GRIA1: variants seen among roughly 807,000 people sequenced by gnomAD.
GRIA1 encodes the protein glutamate ionotropic receptor AMPA type subunit 1, also known as glutamate receptor 1.
A neutral mutation model predicts 99.2 loss-of-function variants in GRIA1; 31 were observed. That is an observed-to-expected ratio of 0.31 (90% CI 0.23 to 0.42). The LOEUF is 0.42. Ranked by LOEUF, GRIA1 falls within the 10% of genes least tolerant of loss-of-function variation. The pLI, the probability that GRIA1 is intolerant of heterozygous loss-of-function variation, is 1.00. For synonymous variants in GRIA1, 438 were observed against 432.4 expected, an observed-to-expected ratio of 1.01 and a Z score of -0.16; for missense variants, 782 against 1,157.5, an observed-to-expected ratio of 0.68 and a Z score of 4.71.
At chr5:153,743,292 T>C (rs1761936990) in intron 11 of GRIA1, among the ~76,000 whole-genome samples, 1 of 152,138 alleles carries the variant, frequency 6.6e-6, no homozygotes, top group African/African-American at 2.4e-5. Flanking sequence ...AACCACAAAC[T>C]TAGTAGCTTC....
intron 2 of GRIA1, among the ~76,000 whole-genome samples, chr5:153,543,507 TCA>T (rs1759329188): frequency 6.6e-6 from 1 of 152,114 alleles, no homozygotes. Flanking sequence ...TAAGACAAAG[TCA>T]GAATTTGATA....
chr5:153,778,266 C>G (rs1006824344), intron 13 of GRIA1, among the ~76,000 whole-genome samples: 2 of 151,444 alleles, frequency 1.3e-5, no homozygotes. Flanking sequence ...GAGAAGCTTT[C>G]TCAGGTCAAG....
At chr5:153,798,584 A>G (rs1263399538) in intron 14 of GRIA1, among the ~76,000 whole-genome samples, 1 of 152,218 alleles carries the variant, frequency 6.6e-6, no homozygotes, top group African/African-American at 2.4e-5. Flanking sequence ...GCATTTGGAG[A>G]AACTGAAGCT....
intron 2 of GRIA1, among the ~76,000 whole-genome samples, chr5:153,517,659 A>G (rs909542953): frequency 6.6e-5 from 10 of 152,094 alleles, no homozygotes; most frequent in African/African-American, 1.9e-4. Context: ...GTTCATCAGC[A>G]AGTCTGTCAG....
chr5:153,726,016 A>C (rs1228583892), intron 11 of GRIA1, among the ~76,000 whole-genome samples: 2 of 149,890 alleles, frequency 1.3e-5, no homozygotes, highest in Non-Finnish European at 3.0e-5. Flanking sequence ...CAAATGTAAA[A>C]GAACAGAAAT....
At chr5:153,795,826 G>T (rs1211429017) in intron 14 of GRIA1, among the ~76,000 whole-genome samples, 2 of 151,896 alleles carry the variant, frequency 1.3e-5, no homozygotes, top group Non-Finnish European at 2.9e-5. Flanking sequence ...ACTGTGTTCT[G>T]AAAAAAATGG....
intron 11 of GRIA1, among the ~76,000 whole-genome samples, chr5:153,762,706 T>C (rs1763265821): frequency 6.6e-6 from 1 of 152,194 alleles, no homozygotes; most frequent in Non-Finnish European, 1.5e-5. Context: ...CAGCACTTGG[T>C]GTCCTGGGGG....
At chr5:153,651,158 T>A (rs1754544972) in intron 4 of GRIA1, among the ~76,000 whole-genome samples, 1 of 152,170 alleles carries the variant, frequency 6.6e-6, no homozygotes, top group Admixed American at 6.5e-5. Flanking sequence ...GGAACACAGC[T>A]TATAGGGCCA....
At chr5:153,617,244 G>C (rs912379311) in intron 2 of GRIA1, among the ~76,000 whole-genome samples, 4 of 152,152 alleles carry the variant, frequency 2.6e-5, no homozygotes, top group South Asian at 2.1e-4. Flanking sequence ...ATCATGCTAC[G>C]CTCCTGTTTT....
At chr5:153,546,648 C>T (rs915041654) in intron 2 of GRIA1, among the ~76,000 whole-genome samples, 3 of 152,112 alleles carry the variant, frequency 2.0e-5, no homozygotes, top group Admixed American at 2.0e-4. Flanking sequence ...TGATAATTGG[C>T]CCAAGGAAAC....
In GRIA1 at chr5:153,623,645, G is replaced by A. The variant is rs138192769; in HGVS notation, c.221-23283G>A. ...TGTTAGTTCTATCAACATGGACGGC[G>A]TTAATATGACAGAATATTTGTTTGG... is the stretch of plus-strand genomic sequence containing the variant. On this transcript the variant is annotated intron_variant, in intron 2 of 15. Transcript: ENST00000285900. Among the ~76,000 whole-genome samples, 36 of 152,266 alleles carry A rather than the reference G, an allele frequency of 2.4e-4. No individual in the cohort carries two copies. In the East Asian group the frequency reaches 2.7e-3, roughly 11 times the overall value.
chr5:153,627,308 G>A (rs1202258771), intron 2 of GRIA1, among the ~76,000 whole-genome samples: 7 of 152,168 alleles, frequency 4.6e-5, no homozygotes, highest in South Asian at 2.1e-4. Context: ...ATACAGATGA[G>A]CAAGCAAAGG....
intron 2 of GRIA1, among the ~76,000 whole-genome samples, chr5:153,609,168 C>G (rs1193728646): frequency 2.0e-4 from 31 of 152,166 alleles, no homozygotes; most frequent in Non-Finnish European, 2.9e-5. Flanking sequence ...GTTGCTTACT[C>G]TAGAATTAGT....
intron 1 of GRIA1, chr5:153,491,311 G>A: frequency 1.7e-6 from 2 of 1,206,012 alleles, no homozygotes; most frequent in Non-Finnish European, 2.1e-6. Flanking sequence ...CTTGGTAGAT[G>A]GTGCTTGATT....
At chr5:153,778,190 AGAGTGTGTGT>A (rs140073761) in intron 13 of GRIA1, among the ~76,000 whole-genome samples, 69,368 of 140,370 alleles carry the variant, frequency 0.49, 17,049 homozygotes, top group East Asian at 0.89. Context: ...AGAGAGAGAG[AGAGTGTGTGT>A]GTGTGTGTGT....
chr5:153,599,595 C>T (rs1057229699), intron 2 of GRIA1, among the ~76,000 whole-genome samples: 39 of 152,172 alleles, frequency 2.6e-4, no homozygotes, highest in African/African-American at 9.2e-4. Context: ...ATAGCTGCCA[C>T]ACTTTATTAT....
intron 2 of GRIA1, among the ~76,000 whole-genome samples, chr5:153,555,529 C>T (rs1760555678): frequency 6.6e-6 from 1 of 152,208 alleles, no homozygotes. Context: ...TACATAACCA[C>T]TTCTCCTGGC....
At chr5:153,776,482 C>A (rs1035984411) in intron 13 of GRIA1, among the ~76,000 whole-genome samples, 1 of 152,174 alleles carries the variant, frequency 6.6e-6, no homozygotes, top group Non-Finnish European at 1.5e-5. Context: ...AGAAAGGCAT[C>A]CCTGGAAAGG....
At chr5:153,496,948 C>T (rs911187048) in intron 2 of GRIA1, among the ~76,000 whole-genome samples, 6 of 151,868 alleles carry the variant, frequency 4.0e-5, no homozygotes, top group Admixed American at 2.0e-4. Context: ...TTCATTGTCC[C>T]TCCACCAGAG....
Sources: gnomAD v4.1 joint callset for allele counts (sites outside exome capture counted in the v4.1 genomes callset) on GRCh38, gnomAD v4.1.1 for gene constraint, MANE v1.5 for transcripts, NCBI Gene and HGNC (gene_info 2026-07-23, HGNC 2026-07-21) for gene names.